PRKG1: variants seen among roughly 807,000 people sequenced by gnomAD.
The protein encoded by PRKG1 is protein kinase cGMP-dependent 1, also known as cGMP-dependent protein kinase 1.
Under a neutral mutation model 88.1 loss-of-function variants are expected in PRKG1, and 35 were observed. The observed-to-expected ratio is 0.40, with a 90% CI of 0.30 to 0.53. The LOEUF is 0.53. PRKG1 is among the 20% of genes least tolerant of loss of function. PRKG1 has a pLI of 0.59. For synonymous variants in PRKG1, 303 were observed against 292.5 expected, an observed-to-expected ratio of 1.04 and a Z score of -0.37; for missense variants, 540 against 839.8, an observed-to-expected ratio of 0.64 and a Z score of 4.41.
At chr10:52,184,875 A>C (rs10128363) in intron 9 of PRKG1, 36,203 of 152,030 alleles carry the variant, frequency 0.24, 6,577 homozygotes, top group African/African-American at 0.51. Context: ...TAACTCACTT[A>C]TCACGAAGAG....
chr10:51,154,799 A>G (rs1280997630), intron 2 of PRKG1, among the ~76,000 whole-genome samples: 1 of 152,030 alleles, frequency 6.6e-6, no homozygotes, highest in Non-Finnish European at 1.5e-5. Flanking sequence ...ATAAACAAAA[A>G]TACACATAAT....
chr10:52,180,446 A>G (rs1043222120), intron 9 of PRKG1, among the ~76,000 whole-genome samples: 3 of 152,002 alleles, frequency 2.0e-5, no homozygotes, highest in African/African-American at 7.3e-5. Flanking sequence ...CTTGTTTTTC[A>G]TGTGTTTGAT....
At chr10:51,788,226 A>G (rs1355107573) in intron 3 of PRKG1, among the ~76,000 whole-genome samples, 1 of 152,178 alleles carries the variant, frequency 6.6e-6, no homozygotes, top group Non-Finnish European at 1.5e-5. Flanking sequence ...AAGGATGATC[A>G]GTTTTCATAT....
chr10:51,121,768 G>A (rs1310258436), intron 1 of PRKG1, among the ~76,000 whole-genome samples: 4 of 152,148 alleles, frequency 2.6e-5, no homozygotes, highest in African/African-American at 9.7e-5. Context: ...TCACCCATCA[G>A]TACATCATTC....
intron 5 of PRKG1, among the ~76,000 whole-genome samples, chr10:52,049,819 C>T (rs776204574): frequency 2.6e-5 from 4 of 151,828 alleles, no homozygotes; most frequent in Non-Finnish European, 4.4e-5. Flanking sequence ...GTTTTGAGTC[C>T]CTACTATGTT....
intron 8 of PRKG1, among the ~76,000 whole-genome samples, chr10:52,159,905 T>C (rs1838233592): frequency 6.6e-6 from 1 of 151,954 alleles, no homozygotes; most frequent in Admixed American, 6.6e-5. Context: ...TCCTACATAA[T>C]ATTATTTGAT....
intron 3 of PRKG1, among the ~76,000 whole-genome samples, chr10:51,594,127 T>A (rs1362896058): frequency 6.6e-6 from 1 of 152,118 alleles, no homozygotes; most frequent in African/African-American, 2.4e-5. Flanking sequence ...TGGGCTCAAG[T>A]CATCTTCCCT....
chr10:51,331,541 C>T (rs1434188452), intron 2 of PRKG1, among the ~76,000 whole-genome samples: 2 of 152,192 alleles, frequency 1.3e-5, no homozygotes, highest in African/African-American at 4.8e-5. Flanking sequence ...GATGGCATTT[C>T]TCTCCATGCT....
intron 2 of PRKG1, among the ~76,000 whole-genome samples, chr10:51,399,844 A>G (rs777798986): frequency 1.3e-5 from 2 of 152,118 alleles, no homozygotes; most frequent in African/African-American, 2.4e-5. Flanking sequence ...ATCTGAATCC[A>G]TTGGTGTCAG....
At chr10:52,227,931 T>A (rs1019890109) in intron 9 of PRKG1, among the ~76,000 whole-genome samples, 3 of 152,152 alleles carry the variant, frequency 2.0e-5, no homozygotes, top group Admixed American at 2.0e-4. Flanking sequence ...TTAATTTGTG[T>A]TTCTAATTTC....
At chr10:51,280,653 C>T (rs571892015) in intron 2 of PRKG1, among the ~76,000 whole-genome samples, 1 of 152,306 alleles carries the variant, frequency 6.6e-6, no homozygotes, top group East Asian at 1.9e-4. Flanking sequence ...CCAGTTGATC[C>T]AATTGGCTAC....
rs527631376 is a variant in PRKG1, at chr10:51,820,405, C to G, written c.698+15715C>G. ...TAGGGTAGGTGTAATAATAAAAAAG[C>G]ATTAGAATGAAAGACAACATAACCT... On this transcript the variant is annotated intron_variant, in intron 4 of 17. Transcript: ENST00000373980. Among the ~76,000 whole-genome samples the G allele has an allele frequency of 1.6e-4, 24 of 152,270 alleles. No individual in the cohort carries two copies. The South Asian group carries it at 4.1e-3, about 26-fold the overall frequency.
chr10:51,439,093 G>C (rs1028426214), intron 2 of PRKG1, among the ~76,000 whole-genome samples: 2 of 151,508 alleles, frequency 1.3e-5, no homozygotes, highest in African/African-American at 4.8e-5. Context: ...AATGTTTTTA[G>C]TCAAATAGGT....
At chr10:51,097,171 G>A (rs186379697) in intron 1 of PRKG1, among the ~76,000 whole-genome samples, 2 of 152,250 alleles carry the variant, frequency 1.3e-5, no homozygotes, top group Admixed American at 6.5e-5. Flanking sequence ...CTTTCCTGGG[G>A]TAGGGGTCCA....
chr10:52,265,690 A>G (rs1255171330), intron 10 of PRKG1, among the ~76,000 whole-genome samples: 1 of 152,112 alleles, frequency 6.6e-6, no homozygotes, highest in Non-Finnish European at 1.5e-5. Context: ...CAGCAAATGC[A>G]TCTTCAGAGC....
At chr10:51,176,452 G>A (rs1837195860) in intron 2 of PRKG1, among the ~76,000 whole-genome samples, 1 of 152,018 alleles carries the variant, frequency 6.6e-6, no homozygotes, top group South Asian at 2.1e-4. Context: ...TTAACATTTA[G>A]GAACAAAGAG....
intron 2 of PRKG1, among the ~76,000 whole-genome samples, chr10:51,370,677 C>A (rs1418903444): frequency 2.6e-5 from 4 of 151,722 alleles, no homozygotes; most frequent in African/African-American, 4.8e-5. Context: ...AAAAATAAAT[C>A]TAAAAAAAGG....
At chr10:52,076,482 A>G (rs1252450317) in intron 7 of PRKG1, among the ~76,000 whole-genome samples, 1 of 152,126 alleles carries the variant, frequency 6.6e-6, no homozygotes, top group Non-Finnish European at 1.5e-5. Flanking sequence ...GCTTGAACCC[A>G]GGAGGCAGAG....
chr10:52,108,968 T>C (rs933989773), intron 7 of PRKG1, among the ~76,000 whole-genome samples: 1 of 151,690 alleles, frequency 6.6e-6, no homozygotes, highest in Non-Finnish European at 1.5e-5. Flanking sequence ...GCTGGGACTA[T>C]AGGGGAGAGC....
Sources: allele counts gnomAD v4.1 joint callset (sites outside exome capture counted in the v4.1 genomes callset), GRCh38; gene constraint gnomAD v4.1.1; transcripts MANE v1.5; gene names NCBI Gene and HGNC (gene_info 2026-07-23, HGNC 2026-07-21).